Variants in FLT1 observed in about 807,000 individuals in gnomAD.
FLT1 encodes the protein vascular endothelial growth factor receptor 1.
In FLT1, 49 loss-of-function variants were observed where a neutral mutation model predicts 156.3. The ratio of observed to expected loss-of-function variants is 0.31; its 90% CI spans 0.25 to 0.40. The LOEUF (loss-of-function observed/expected upper bound fraction) is 0.40. FLT1 is among the 10% of genes least tolerant of loss of function. The probability of loss-of-function intolerance (pLI) is 1.00; values close to 1 mark genes in which losing one functional copy is unlikely to be tolerated. For synonymous variants in FLT1, 594 were observed against 583.8 expected, an observed-to-expected ratio of 1.02 and a Z score of -0.25; for missense variants, 1,322 against 1,637.2, an observed-to-expected ratio of 0.81 and a Z score of 3.32.
chr13:28,302,308 C>G lies in FLT1; in HGVS notation c.*859G>C, dbSNP rs1171257744. ...ATCATGGCCTGGAGACAACCTAACT[C>G]TGGCTAAGTTTTCAGTGCATCTTAC... On this transcript the variant is annotated 3_prime_UTR_variant, in exon 30 of 30. Transcript: ENST00000282397. 8.6e-6 allele frequency: 2 copies of G among 233,190 alleles called. No individual in the cohort carries two copies. Among genetic ancestry groups the G allele is most frequent in the Non-Finnish European group, 1.7e-5 (2 of 118,068 alleles). The allele number at this position is 233,190 out of a possible 1,614,324, so 14.4% of individuals were successfully genotyped here.
intron 10 of FLT1, among the ~76,000 whole-genome samples, chr13:28,413,052 G>C (rs1876410065): frequency 6.6e-6 from 1 of 152,080 alleles, no homozygotes; most frequent in African/African-American, 2.4e-5. Flanking sequence ...TGCAGTGAGA[G>C]ACCTTGTGAC....
chr13:28,387,434 G>C (rs1874427281), intron 13 of FLT1: 5 of 1,056,878 alleles, frequency 4.7e-6, no homozygotes, highest in Middle Eastern at 4.3e-4. Context: ...TTACTTGATG[G>C]AAGTAGGTAG....
At chr13:28,399,184 C>T in intron 11 of FLT1, 1 of 1,086,404 alleles carries the variant, frequency 9.2e-7, no homozygotes, top group African/African-American at 1.6e-5. Context: ...GAAGCTTAGA[C>T]CCTTCAAAGC....
chr13:28,319,489 T>A lies in FLT1; in HGVS notation c.3220A>T (p.Lys1074Ter). Residue 1074 changes from lysine to a stop codon, truncating the protein, a stop_gained, in exon 24 of 30, where the codon AAA (lysine) becomes TAA (stop). Transcript: ENST00000282397. LOFTEE classifies it high-confidence loss of function. Reference sequence around the variant, plus strand: ...ACGTCGCTCTTGGTGCTGTAGATTTTGTCAAAGATAGATTCAGGAGCCATC... The same window carrying A: ...ACGTCGCTCTTGGTGCTGTAGATTTAGTCAAAGATAGATTCAGGAGCCATC... Reference protein sequence around the residue: ...KWMAPESIFDKIYSTKSDVWS... With the variant: ...KWMAPESIFD 1 of 1,614,064 alleles carries A rather than the reference T, an allele frequency of 6.2e-7. No individual in the cohort carries two copies. Among genetic ancestry groups the A allele is most frequent in the Non-Finnish European group, 8.5e-7 (1 of 1,179,956 alleles).
chr13:28,361,241 T>C (rs946766585), intron 14 of FLT1, among the ~76,000 whole-genome samples: 3 of 151,854 alleles, frequency 2.0e-5, no homozygotes, highest in African/African-American at 7.3e-5. Flanking sequence ...ATGGTGCCCC[T>C]GCACTCCAGC....
intron 17 of FLT1, among the ~76,000 whole-genome samples, chr13:28,335,384 T>C (rs1227764460): frequency 2.6e-5 from 4 of 152,190 alleles, no homozygotes; most frequent in Non-Finnish European, 5.9e-5. Context: ...CTTCAGTTAA[T>C]GAACCTTCTT....
intron 15 of FLT1, among the ~76,000 whole-genome samples, chr13:28,349,425 TAC>T (rs34182100): frequency 0.25 from 36,218 of 146,746 alleles, 4,454 homozygotes; most frequent in East Asian, 0.49. Context: ...GGCCTTGCTG[TAC>T]ACACACACAC....
intron 13 of FLT1, chr13:28,385,805 C>T: frequency 9.6e-7 from 1 of 1,045,094 alleles, no homozygotes; most frequent in Admixed American, 5.5e-5. Context: ...TACATTACAA[C>T]ATTAAAATCC....
At chr13:28,374,674 G>C (rs995205041) in intron 14 of FLT1, among the ~76,000 whole-genome samples, 1 of 151,784 alleles carries the variant, frequency 6.6e-6, no homozygotes, top group African/African-American at 2.4e-5. Flanking sequence ...ACCATGCCCA[G>C]CTAATTTTTT....
At chr13:28,403,533 G>A (rs1421564719) in intron 11 of FLT1, among the ~76,000 whole-genome samples, 1 of 152,032 alleles carries the variant, frequency 6.6e-6, no homozygotes, top group Non-Finnish European at 1.5e-5. Context: ...TATTTTTGTG[G>A]ATAGGATACC....
chr13:28,488,243 CAAA>C (rs564002519), intron 1 of FLT1, among the ~76,000 whole-genome samples: 1 of 151,978 alleles, frequency 6.6e-6, no homozygotes, highest in Admixed American at 6.6e-5. Flanking sequence ...ACAAAAAACA[CAAA>C]AAAATTAGCT....
chr13:28,460,826 A>ACG (rs1310048365), intron 3 of FLT1, among the ~76,000 whole-genome samples: 2 of 150,836 alleles, frequency 1.3e-5, no homozygotes, highest in Non-Finnish European at 2.9e-5. Flanking sequence ...ACACACACAC[A>ACG]CACGCACGTA....
At chr13:28,478,956 G>C (rs1223075740) in intron 1 of FLT1, among the ~76,000 whole-genome samples, 1 of 152,214 alleles carries the variant, frequency 6.6e-6, no homozygotes, top group Non-Finnish European at 1.5e-5. Context: ...AAATGGAGGA[G>C]AGATGAAATG....
At chr13:28,340,839 G>A (rs1375519913) in intron 16 of FLT1, among the ~76,000 whole-genome samples, 2 of 151,776 alleles carry the variant, frequency 1.3e-5, no homozygotes, top group Non-Finnish European at 2.9e-5. Context: ...AGGATGAGAA[G>A]CAAAAAACGA....
chr13:28,457,477 T>C (rs73455425), intron 3 of FLT1, among the ~76,000 whole-genome samples: 5,041 of 152,196 alleles, frequency 0.033, 253 homozygotes, highest in African/African-American at 0.11. Context: ...AAGGGAGGGG[T>C]GTTTACTGCT....
At chr13:28,386,156 G>C in intron 13 of FLT1, 5 of 1,054,192 alleles carry the variant, frequency 4.7e-6, no homozygotes, top group Non-Finnish European at 5.7e-6. Flanking sequence ...GGCAGCTTAG[G>C]AGTGATGACA....
At position 28,489,804 on chromosome 13, in the gene FLT1, C is replaced by T. The variant is rs149501979; in HGVS notation, c.64+4976G>A. 8.6e-3 allele frequency among the ~76,000 whole-genome samples: 1,314 copies of T among 152,254 alleles called. 15 individuals carry two copies. Among genetic ancestry groups the T allele is most frequent in the African/African-American group, 0.03 (1,231 of 41,526 alleles). ...TAAGCCACAAGTATGTAAGCCACAG[C>T]TGTTCAGGAAAAGGATACCAAGTGC... On this transcript the variant is annotated intron_variant, in intron 1 of 29. Coordinates refer to ENST00000282397, the MANE Select transcript of FLT1 (RefSeq NM_002019.4).
intron 8 of FLT1, 142 bp from the exon 9 acceptor site, chr13:28,428,063 T>C: frequency 1.4e-6 from 1 of 712,360 alleles, no homozygotes; most frequent in Non-Finnish European, 2.5e-6. Context: ...AATGTAGGCA[T>C]TAACTTTTGA....
At chr13:28,333,851 G>A (rs549627002) in intron 18 of FLT1, among the ~76,000 whole-genome samples, 174 bp downstream of exon 18, 104 of 152,278 alleles carry the variant, frequency 6.8e-4, no homozygotes, top group African/African-American at 2.3e-3. Flanking sequence ...TTCTGAGCTC[G>A]TGCTGGCCTA....
Sources: gnomAD v4.1 joint callset for allele counts (sites outside exome capture counted in the v4.1 genomes callset) on GRCh38, gnomAD v4.1.1 for gene constraint, MANE v1.5 for transcripts, NCBI Gene and HGNC (gene_info 2026-07-23, HGNC 2026-07-21) for gene names.